The following KLHL1 variants were observed in gnomAD, a reference collection of about 807,000 sequenced individuals.
KLHL1 encodes the protein kelch like family member 1.
Under a neutral mutation model 77.7 loss-of-function variants are expected in KLHL1, and 47 were observed. That is an observed-to-expected ratio of 0.60 (90% confidence interval 0.48 to 0.77). The LOEUF (loss-of-function observed/expected upper bound fraction) is 0.77, where lower values mean the gene tolerates loss of function less well. Ranked by LOEUF, KLHL1 falls within the 30% of genes least tolerant of loss-of-function variation. The pLI, the probability that KLHL1 is intolerant of heterozygous loss-of-function variation, is 0.00. For synonymous variants in KLHL1, 360 were observed against 325.2 expected (o/e 1.11, Z -1.15); for missense variants, 925 against 910.8 (o/e 1.02, Z -0.20).
chr13:70,071,908 A>G lies in KLHL1; in HGVS notation c.497+35295T>C, dbSNP rs1317225978. Among the ~76,000 whole-genome samples the G allele has an allele frequency of 2.0e-5, 3 of 152,104 alleles. 1 individual carries two copies. The highest frequency in any genetic ancestry group is 7.2e-5 in the African/African-American group (3 of 41,412). On this transcript the variant is annotated intron_variant, in intron 1 of 10. Transcript: ENST00000377844. ...ATTCTTCAGCCCCCCAAAACTGGAA[A>G]CAGAAGAGAAAATTAAGCCTGAAGT... is the stretch of plus-strand genomic sequence containing the variant.
chr13:70,033,559 G>A (rs1054878536), intron 1 of KLHL1, among the ~76,000 whole-genome samples: 1 of 146,706 alleles, frequency 6.8e-6, no homozygotes, highest in Non-Finnish European at 1.5e-5. Flanking sequence ...ACCCGCCTTG[G>A]CCTCCCAAAG....
intron 1 of KLHL1, among the ~76,000 whole-genome samples, chr13:70,065,765 C>G (rs980498753): frequency 2.6e-5 from 4 of 151,994 alleles, no homozygotes; most frequent in African/African-American, 9.7e-5. Context: ...AAAAACAGTG[C>G]CTTTGTTCAA....
chr13:70,065,721 C>G (rs1384157135), intron 1 of KLHL1, among the ~76,000 whole-genome samples: 1 of 151,948 alleles, frequency 6.6e-6, no homozygotes, highest in Non-Finnish European at 1.5e-5. Flanking sequence ...TAAATCTGTC[C>G]AAACCAGAAC....
chr13:70,014,533 C>T (rs1192842155), intron 1 of KLHL1, among the ~76,000 whole-genome samples: 1 of 147,556 alleles, frequency 6.8e-6, no homozygotes, highest in African/African-American at 2.5e-5. Flanking sequence ...ATCACTGAGT[C>T]TGTCAAATTG....
chr13:69,914,313 T>C (rs1882345828), intron 4 of KLHL1, among the ~76,000 whole-genome samples: 1 of 152,200 alleles, frequency 6.6e-6, no homozygotes, highest in African/African-American at 2.4e-5. Flanking sequence ...AACAATAAAA[T>C]TTCTAAATTA....
intron 1 of KLHL1, among the ~76,000 whole-genome samples, chr13:70,081,469 C>G (rs1242584717): frequency 6.6e-6 from 1 of 152,134 alleles, no homozygotes; most frequent in African/African-American, 2.4e-5. Context: ...AATTCATTTC[C>G]TTGCTGCTGC....
At chr13:69,814,177 A>G (rs1878020802) in intron 6 of KLHL1, among the ~76,000 whole-genome samples, 1 of 152,170 alleles carries the variant, frequency 6.6e-6, no homozygotes, top group Admixed American at 6.5e-5. Context: ...GGTTTCGGGA[A>G]CACAGGCTTA....
At chr13:69,783,355 C>A (rs1272802408) in intron 7 of KLHL1, among the ~76,000 whole-genome samples, 1 of 152,148 alleles carries the variant, frequency 6.6e-6, no homozygotes, top group Non-Finnish European at 1.5e-5. Flanking sequence ...GAGAAGAAGT[C>A]TCCAGACGAT....
intron 6 of KLHL1, 75 bp from the exon 7 acceptor site, chr13:69,797,037 T>C (rs1265779164): frequency 2.5e-6 from 3 of 1,222,140 alleles, no homozygotes; most frequent in Non-Finnish European, 3.6e-6. Flanking sequence ...AGGGTACAAA[T>C]TAGGATGTGA....
At chr13:69,750,675 T>C (rs1874439432) in intron 7 of KLHL1, among the ~76,000 whole-genome samples, 2 of 152,002 alleles carry the variant, frequency 1.3e-5, no homozygotes, top group Admixed American at 6.6e-5. Flanking sequence ...TATTTTAAAA[T>C]GCTGATCATG....
chr13:69,900,615 C>T (rs1881820682), intron 4 of KLHL1, among the ~76,000 whole-genome samples: 1 of 152,156 alleles, frequency 6.6e-6, no homozygotes, highest in African/African-American at 2.4e-5. Context: ...AGTTTTACTG[C>T]ACTAGGATCC....
At chr13:69,727,900 A>G (rs576021800) in intron 8 of KLHL1, among the ~76,000 whole-genome samples, 1 of 151,578 alleles carries the variant, frequency 6.6e-6, no homozygotes, top group South Asian at 2.1e-4. Context: ...CCAAGTTACT[A>G]TATGATCTCT....
intron 4 of KLHL1, among the ~76,000 whole-genome samples, chr13:69,900,606 G>A (rs971991936): frequency 1.3e-5 from 2 of 151,976 alleles, no homozygotes; most frequent in Non-Finnish European, 2.9e-5. Context: ...CACAGTAAAA[G>A]TTTTACTGCA....
At chr13:70,044,309 A>T (rs1322667224) in intron 1 of KLHL1, among the ~76,000 whole-genome samples, 2 of 152,174 alleles carry the variant, frequency 1.3e-5, no homozygotes, top group Admixed American at 1.3e-4. Context: ...TCTTGAATTT[A>T]CATCTCTGCT....
intron 1 of KLHL1, among the ~76,000 whole-genome samples, chr13:70,047,889 C>A (rs942929205): frequency 6.6e-6 from 1 of 152,130 alleles, no homozygotes; most frequent in Non-Finnish European, 1.5e-5. Flanking sequence ...AGTCTTGGTG[C>A]TTTTAGGTGC....
chr13:69,822,730 T>C (rs1878385257), intron 6 of KLHL1, among the ~76,000 whole-genome samples: 1 of 152,108 alleles, frequency 6.6e-6, no homozygotes, highest in Non-Finnish European at 1.5e-5. Flanking sequence ...ATAATATTTG[T>C]GAAAAAATGA....
chr13:69,780,980 C>A (rs1876158045), intron 7 of KLHL1, among the ~76,000 whole-genome samples: 1 of 138,362 alleles, frequency 7.2e-6, no homozygotes, highest in Non-Finnish European at 1.6e-5. Context: ...GAAGCATCCC[C>A]AGATTATTTT....
At chr13:69,964,136 T>C (rs1884146805) in intron 2 of KLHL1, among the ~76,000 whole-genome samples, 1 of 152,114 alleles carries the variant, frequency 6.6e-6, no homozygotes, top group East Asian at 1.9e-4. Context: ...CTCAAACTCC[T>C]GGGCCCAAGC....
intron 1 of KLHL1, among the ~76,000 whole-genome samples, chr13:70,075,454 T>G (rs1371210731): frequency 2.7e-5 from 4 of 149,742 alleles, no homozygotes; most frequent in Non-Finnish European, 4.4e-5. Context: ...AAAAAAACCT[T>G]TTTGTTAAAA....
Sources: gnomAD v4.1 joint callset for allele counts (sites outside exome capture counted in the v4.1 genomes callset) on GRCh38, gnomAD v4.1.1 for gene constraint, MANE v1.5 for transcripts, NCBI Gene and HGNC (gene_info 2026-07-23, HGNC 2026-07-21) for gene names.